The following FAM53A variants were observed in gnomAD, a reference collection of about 807,000 sequenced individuals.
The protein encoded by FAM53A is protein FAM53A.
Under a neutral mutation model 26.6 loss-of-function variants are expected in FAM53A, and 28 were observed. The observed-to-expected ratio is 1.05, with a 90% CI of 0.78 to 1.45. FAM53A has a LOEUF of 1.45. Among genes scored for constraint, FAM53A ranks in the 40% most tolerant of loss-of-function variants. The pLI is 0.00. For missense variants in FAM53A, 650 were observed against 575.8 expected (o/e 1.13, Z -1.32); for synonymous variants, 290 against 253.1 (o/e 1.15, Z -1.38).
At position 1,659,495 on chromosome 4, in the gene FAM53A, T is replaced by C. The variant is rs1713669820; in HGVS notation, c.76-2027A>G. On this transcript the variant is annotated intron_variant, in intron 2 of 4. Transcript: ENST00000308132. The surrounding 1 kb of genome is among the most constrained non-coding windows in gnomAD (Gnocchi z 5.2). ...GGCACAGATGGCTCTCACGGGCAGC[T>C]TGAAGGAGCCACAGGCCCGCACGGT... is the stretch of plus-strand genomic sequence containing the variant. 6.6e-6 allele frequency among the ~76,000 whole-genome samples: 1 copy of C among 152,118 alleles called. No individual in the cohort carries two copies. Among genetic ancestry groups the C allele is most frequent in the East Asian group, 1.9e-4 (1 of 5,184 alleles).
the FAM53A span, among the ~76,000 whole-genome samples, chr4:1,593,100 G>A: frequency 1.4e-3 from 215 of 152,264 alleles, 1 homozygote; most frequent in African/African-American, 5.0e-3. Flanking sequence ...CTCCGCCGGC[G>A]GGGACACAGG....
intron 4 of FAM53A, among the ~76,000 whole-genome samples, chr4:1,654,166 T>C (rs1713116925): frequency 6.6e-6 from 1 of 152,216 alleles, no homozygotes; most frequent in South Asian, 2.1e-4. Context: ...CGGGAAGTCC[T>C]GTTAATTTCT....
chr4:1,659,245 G>A lies in FAM53A; in HGVS notation c.76-1777C>T, dbSNP rs139522647. ...TTCTCCCACCCCGGGACCCGGGTCC[G>A]ATGGAAGAGAGGAGAGGCAGCTCTG... On this transcript the variant is annotated intron_variant, in intron 2 of 4. Coordinates refer to ENST00000308132, the MANE Select transcript of FAM53A (RefSeq NM_001174070.3). The surrounding 1 kb of genome is among the most constrained non-coding windows in gnomAD (Gnocchi z 5.2). 2.6e-4 allele frequency among the ~76,000 whole-genome samples: 39 copies of A among 152,244 alleles called. No individual in the cohort carries two copies. Among genetic ancestry groups the A allele is most frequent in the South Asian group, 6.2e-4 (3 of 4,820 alleles).
chr4:1,593,126 C>G, the FAM53A span, among the ~76,000 whole-genome samples: 2 of 152,174 alleles, frequency 1.3e-5, no homozygotes, highest in East Asian at 3.9e-4. Flanking sequence ...TGTGCGGGAG[C>G]CGGTGGCGGC....
At chr4:1,632,745 G>A (rs571920773) in intron 1 of FAM53A, among the ~76,000 whole-genome samples, 1 of 152,314 alleles carries the variant, frequency 6.6e-6, no homozygotes, top group South Asian at 2.1e-4. Context: ...CACCACGCAG[G>A]CACACACTAC....
chr4:1,604,471 G>A, the FAM53A span, among the ~76,000 whole-genome samples: 10 of 152,250 alleles, frequency 6.6e-5, no homozygotes, highest in East Asian at 1.2e-3. Flanking sequence ...TGTGCAGGGC[G>A]TGGGGGACAC....
chr4:1,625,053 G>C (rs372365329), intron 1 of FAM53A, among the ~76,000 whole-genome samples: 119 of 96,868 alleles, frequency 1.2e-3, no homozygotes, highest in South Asian at 1.7e-3. Context: ...TGATCAGAAG[G>C]CCCCACGTCC....
chr4:1,655,064 T>G lies in FAM53A; in HGVS notation c.796A>C (p.Ser266Arg). 1 of 1,599,404 alleles carries G rather than the reference T, an allele frequency of 6.3e-7. No homozygotes were observed. The highest frequency in any genetic ancestry group is 8.5e-7 in the Non-Finnish European group (1 of 1,172,580). Residue 266 changes from serine to arginine, a missense_variant, in exon 4 of 5, where the codon AGT (serine) becomes CGT (arginine). Coordinates refer to ENST00000308132, the MANE Select transcript of FAM53A (RefSeq NM_001174070.3). ...CGTTTGCGCCGGCTCCTCTTCCCAC[T>G]GAGCACGCAAGGCTGTGAGCGGCAC... ...LRCRSQPCVLSGKRSRRKRRR... is the reference protein window; with the variant it reads ...LRCRSQPCVLRGKRSRRKRRR...
At chr4:1,612,298 G>A in the FAM53A span, among the ~76,000 whole-genome samples, 2 of 152,176 alleles carry the variant, frequency 1.3e-5, no homozygotes, top group Non-Finnish European at 2.9e-5. Context: ...GTATTTATCT[G>A]AAGTGCAGAT....
At chr4:1,654,849 T>C in intron 4 of FAM53A, 129 bp downstream of exon 4, 1 of 1,318,404 alleles carries the variant, frequency 7.6e-7, no homozygotes, top group Non-Finnish European at 1.0e-6. Flanking sequence ...TCCTCACTCC[T>C]TTCCTCCCAG....
At chr4:1,628,640 T>G (rs963036031) in intron 1 of FAM53A, among the ~76,000 whole-genome samples, 5 of 5,052 alleles carry the variant, frequency 9.9e-4, no homozygotes, top group Non-Finnish European at 1.0e-3. Flanking sequence ...GGGGGGAGGG[T>G]GGCATGGGGG....
At chr4:1,593,281 C>T in the FAM53A span, among the ~76,000 whole-genome samples, 1 of 152,080 alleles carries the variant, frequency 6.6e-6, no homozygotes, top group Non-Finnish European at 1.5e-5. Context: ...CCCCGCGCGC[C>T]CGCAGGAGGG....
At chr4:1,678,387 T>C (rs1203084896) in intron 1 of FAM53A, among the ~76,000 whole-genome samples, 1 of 152,134 alleles carries the variant, frequency 6.6e-6, no homozygotes, top group Non-Finnish European at 1.5e-5. Context: ...CAGACAATTG[T>C]ATCAATGGAA....
At chr4:1,591,189 C>T in the FAM53A span, among the ~76,000 whole-genome samples, 1 of 151,620 alleles carries the variant, frequency 6.6e-6, no homozygotes, top group Non-Finnish European at 1.5e-5. Flanking sequence ...CTTTCTGTGC[C>T]CTTTCTCCTT....
chr4:1,659,444 C>T lies in FAM53A; in HGVS notation c.76-1976G>A, dbSNP rs955671926. ...GCTCGACGCTGCCACGGAAAAACGT[C>T]TAGCAAGGAAAGGACTTTCCCAGCC... is the stretch of plus-strand genomic sequence containing the variant. On this transcript the variant is annotated intron_variant, in intron 2 of 4. Transcript: ENST00000308132. This position sits in a 1 kb window ranked among gnomAD's most constrained non-coding sequence, Gnocchi z 5.2. 9.8e-5 allele frequency among the ~76,000 whole-genome samples: 15 copies of T among 152,380 alleles called. 1 individual carries two copies. In the South Asian group the frequency reaches 1.9e-3, roughly 19 times the overall value.
chr4:1,615,798 C>T (rs1013361835), downstream of FAM53A, among the ~76,000 whole-genome samples: 1 of 152,250 alleles, frequency 6.6e-6, no homozygotes, highest in African/African-American at 2.4e-5. Context: ...AATGCAGAAT[C>T]CGAACAAGGG....
chr4:1,602,941 A>G, the FAM53A span, among the ~76,000 whole-genome samples: 2 of 151,890 alleles, frequency 1.3e-5, no homozygotes, highest in Non-Finnish European at 2.9e-5. Flanking sequence ...CAGCCACGGC[A>G]CTCGGGTCAT....
the FAM53A span, among the ~76,000 whole-genome samples, chr4:1,607,897 G>GC: frequency 4.2e-3 from 640 of 150,680 alleles, 6 homozygotes; most frequent in African/African-American, 0.015. Context: ...CCGAGATCAC[G>GC]CCACTGCACT....
At chr4:1,631,980 T>C (rs1364019709) in intron 1 of FAM53A, among the ~76,000 whole-genome samples, 1 of 151,790 alleles carries the variant, frequency 6.6e-6, no homozygotes, top group Non-Finnish European at 1.5e-5. Flanking sequence ...CTGGCCAACA[T>C]GATGAAACCC....
Sources: gnomAD v4.1 joint callset for allele counts (sites outside exome capture counted in the v4.1 genomes callset) on GRCh38, gnomAD v4.1.1 for gene constraint, Gnocchi (gnomAD v3.1) non-coding constraint, MANE v1.5 for transcripts, NCBI Gene and HGNC (gene_info 2026-07-23, HGNC 2026-07-21) for gene names.